Variants in MDGA2 observed in about 807,000 individuals in gnomAD.
The protein encoded by MDGA2 is MAM domain containing glycosylphosphatidylinositol anchor 2.
A neutral mutation model predicts 117.8 loss-of-function variants in MDGA2; 40 were observed. The ratio of observed to expected loss-of-function variants is 0.34; its 90% confidence interval spans 0.26 to 0.44. The LOEUF is 0.44. Ranked by LOEUF, MDGA2 falls within the 20% of genes least tolerant of loss-of-function variation. The pLI, the probability that MDGA2 is intolerant of heterozygous loss-of-function variation, is 1.00. For missense variants in MDGA2, 1,123 were observed against 1,250.6 expected, an observed-to-expected ratio of 0.90 and a Z score of 1.54; for synonymous variants, 452 against 439.0, an observed-to-expected ratio of 1.03 and a Z score of -0.37.
intron 1 of MDGA2, among the ~76,000 whole-genome samples, chr14:47,663,506 C>A (rs778922421): frequency 6.6e-6 from 1 of 152,164 alleles, no homozygotes; most frequent in African/African-American, 2.4e-5. Context: ...ACCTTCCGCC[C>A]TCCAAAAATA....
intron 8 of MDGA2, among the ~76,000 whole-genome samples, chr14:47,018,532 A>G (rs975515356): frequency 4.6e-5 from 7 of 152,020 alleles, no homozygotes; most frequent in Non-Finnish European, 8.8e-5. Flanking sequence ...AAAAATTATA[A>G]AAAGATTATG....
intron 8 of MDGA2, among the ~76,000 whole-genome samples, chr14:46,990,518 T>A (rs764397852): frequency 1.3e-5 from 2 of 152,116 alleles, no homozygotes; most frequent in South Asian, 4.1e-4. Context: ...AGGAAACAGG[T>A]AAAGAAACAT....
chr14:47,517,693 T>C (rs138751043), intron 1 of MDGA2, among the ~76,000 whole-genome samples: 10 of 152,286 alleles, frequency 6.6e-5, no homozygotes, highest in Non-Finnish European at 1.3e-4. Context: ...GTTACCCACA[T>C]ATTTGTGCAT....
intron 2 of MDGA2, among the ~76,000 whole-genome samples, chr14:47,253,078 A>G (rs1298191307): frequency 6.6e-6 from 1 of 152,140 alleles, no homozygotes; most frequent in Non-Finnish European, 1.5e-5. Context: ...CCATAATTCA[A>G]TTACTTCCCA....
At chr14:47,630,128 CACAA>C (rs750476013) in intron 1 of MDGA2, among the ~76,000 whole-genome samples, 42 of 150,566 alleles carry the variant, frequency 2.8e-4, no homozygotes, top group Non-Finnish European at 3.8e-4. Context: ...AAAAAATACA[CACAA>C]ACACACACAC....
intron 3 of MDGA2, among the ~76,000 whole-genome samples, chr14:47,207,160 A>G (rs2139464392): frequency 6.6e-6 from 1 of 152,064 alleles, no homozygotes; most frequent in Middle Eastern, 3.4e-3. Context: ...AGGAGTTTAC[A>G]AGACCTTTGG....
intron 7 of MDGA2, among the ~76,000 whole-genome samples, chr14:47,046,594 G>C (rs1889274539): frequency 6.9e-6 from 1 of 144,340 alleles, no homozygotes; most frequent in East Asian, 2.1e-4. Flanking sequence ...AGAACTTAAA[G>C]TATAATAAAA....
chr14:47,264,689 T>A (rs1172579232), intron 2 of MDGA2, among the ~76,000 whole-genome samples: 1 of 152,176 alleles, frequency 6.6e-6, no homozygotes, highest in Admixed American at 6.6e-5. Flanking sequence ...TATTTTATTT[T>A]ATTTTTATTG....
chr14:47,549,723 T>C (rs922695407), intron 1 of MDGA2, among the ~76,000 whole-genome samples: 1 of 152,040 alleles, frequency 6.6e-6, no homozygotes, highest in South Asian at 2.1e-4. Context: ...GGACTGGTTG[T>C]CCTTATAAGC....
intron 2 of MDGA2, among the ~76,000 whole-genome samples, chr14:47,242,780 G>A (rs1361096758): frequency 2.0e-5 from 3 of 151,964 alleles, no homozygotes; most frequent in Admixed American, 6.5e-5. Context: ...ACCACCCCCT[G>A]CTCCAGGGCA....
At chr14:47,363,077 A>T (rs988466502) in intron 1 of MDGA2, among the ~76,000 whole-genome samples, 1 of 152,084 alleles carries the variant, frequency 6.6e-6, no homozygotes, top group South Asian at 2.1e-4. Flanking sequence ...GAAGATATTA[A>T]TGTCTCTGTT....
At chr14:47,666,850 G>C (rs2138308612) in intron 1 of MDGA2, among the ~76,000 whole-genome samples, 1 of 152,132 alleles carries the variant, frequency 6.6e-6, no homozygotes, top group Non-Finnish European at 1.5e-5. Flanking sequence ...CCTGAAGCCA[G>C]CAAGACCACA....
intron 1 of MDGA2, among the ~76,000 whole-genome samples, chr14:47,542,157 C>T (rs540809365): frequency 1.4e-4 from 22 of 152,188 alleles, no homozygotes; most frequent in African/African-American, 4.6e-4. Context: ...TATTTTGTTA[C>T]GAATTATCCC....
Position 47,034,990 on chromosome 14 carries a change from C to A in MDGA2, c.1819+21G>T, listed in dbSNP as rs1594549904. On this transcript the variant is annotated intron_variant, in intron 8 of 16. Transcript: ENST00000399232. The stretch of plus-strand genomic sequence containing the variant: ...CTTCCCTTGTCCCCATATGGAAATG[C>A]ATAAAAGGGAATTTACTTACACTGA... 6 of 1,591,734 alleles carry A rather than the reference C, an allele frequency of 3.8e-6. No individual in the cohort carries two copies. The East Asian group carries it at 1.3e-4, about 36-fold the overall frequency.
chr14:46,886,707 TAAGA>T (rs1882690125), intron 10 of MDGA2, among the ~76,000 whole-genome samples: 1 of 151,998 alleles, frequency 6.6e-6, no homozygotes. Context: ...AATTAGAGAA[TAAGA>T]GAGAGAAGGA....
intron 1 of MDGA2, among the ~76,000 whole-genome samples, chr14:47,423,038 G>A (rs1427775280): frequency 6.6e-6 from 1 of 152,076 alleles, no homozygotes; most frequent in Admixed American, 6.5e-5. Flanking sequence ...TCTCTTCTAT[G>A]TATGTGGAAG....
intron 1 of MDGA2, among the ~76,000 whole-genome samples, chr14:47,525,751 T>C (rs1176254537): frequency 2.6e-5 from 4 of 152,016 alleles, no homozygotes; most frequent in Admixed American, 2.6e-4. Context: ...CTCTCTCTCT[T>C]TTTTTGCAGC....
At chr14:47,536,639 T>G (rs978263134) in intron 1 of MDGA2, among the ~76,000 whole-genome samples, 1 of 152,208 alleles carries the variant, frequency 6.6e-6, no homozygotes, top group Non-Finnish European at 1.5e-5. Context: ...TGTAATGAAG[T>G]GAAAATTATC....
At chr14:47,572,818 T>C (rs1896044938) in intron 1 of MDGA2, among the ~76,000 whole-genome samples, 1 of 152,188 alleles carries the variant, frequency 6.6e-6, no homozygotes, top group Non-Finnish European at 1.5e-5. Flanking sequence ...AATTCTGGCC[T>C]CAGCAGCACA....
Sources: gnomAD v4.1 joint callset for allele counts (sites outside exome capture counted in the v4.1 genomes callset) on GRCh38, gnomAD v4.1.1 for gene constraint, MANE v1.5 for transcripts, NCBI Gene and HGNC (gene_info 2026-07-23, HGNC 2026-07-21) for gene names.